Variants in CTNNA3 observed in about 807,000 individuals in gnomAD.
CTNNA3 encodes catenin alpha-3.
A neutral mutation model predicts 95.7 loss-of-function variants in CTNNA3; 76 were observed. That is an observed-to-expected ratio of 0.79 (90% CI 0.66 to 0.96). The LOEUF is 0.96. Among genes scored for constraint, CTNNA3 ranks in the 40% least tolerant of loss-of-function variants. The pLI, the probability that CTNNA3 is intolerant of heterozygous loss-of-function variation, is 0.00. For missense variants in CTNNA3, 1,191 were observed against 1,089.8 expected (o/e 1.09, Z -1.31); for synonymous variants, 431 against 374.4 (o/e 1.15, Z -1.74).
At chr10:66,615,488 A>G (rs1172849413) in intron 10 of CTNNA3, among the ~76,000 whole-genome samples, 1 of 152,002 alleles carries the variant, frequency 6.6e-6, no homozygotes, top group East Asian at 1.9e-4. Flanking sequence ...GAAGGAACTG[A>G]CATAGGGTGG....
chr10:67,139,876 C>T (rs1860472478), intron 7 of CTNNA3, among the ~76,000 whole-genome samples: 1 of 151,908 alleles, frequency 6.6e-6, no homozygotes, highest in Admixed American at 6.6e-5. Context: ...AACTTTTGTC[C>T]CAATAGAAAG....
intron 13 of CTNNA3, among the ~76,000 whole-genome samples, chr10:66,273,642 C>A (rs1178253847): frequency 2.6e-5 from 4 of 151,982 alleles, no homozygotes; most frequent in African/African-American, 9.7e-5. Flanking sequence ...ACGTGTTGAA[C>A]AAATAATGCA....
intron 7 of CTNNA3, among the ~76,000 whole-genome samples, chr10:66,975,534 A>G (rs1849979973): frequency 6.6e-6 from 1 of 152,210 alleles, no homozygotes; most frequent in African/African-American, 2.4e-5. Flanking sequence ...TGCAAATCAG[A>G]TCAAGAATTG....
At chr10:66,187,525 G>A (rs1244143495) in intron 13 of CTNNA3, among the ~76,000 whole-genome samples, 1 of 151,458 alleles carries the variant, frequency 6.6e-6, no homozygotes, top group Admixed American at 6.6e-5. Flanking sequence ...AGCAGGAAGT[G>A]AGGCCTAAAG....
chr10:67,357,721 A>C (rs79187665), intron 5 of CTNNA3, among the ~76,000 whole-genome samples: 2,578 of 152,204 alleles, frequency 0.017, 67 homozygotes, highest in African/African-American at 0.059. Context: ...AAGTTCTTAT[A>C]AATAGTAAGC....
At chr10:66,096,687 C>T (rs944088237) in intron 14 of CTNNA3, among the ~76,000 whole-genome samples, 1 of 151,974 alleles carries the variant, frequency 6.6e-6, no homozygotes, top group African/African-American at 2.4e-5. Context: ...CCATGCCCAG[C>T]TAATTTCTGT....
At chr10:66,663,977 T>C (rs985239184) in intron 9 of CTNNA3, among the ~76,000 whole-genome samples, 6 of 152,168 alleles carry the variant, frequency 3.9e-5, no homozygotes, top group Non-Finnish European at 7.4e-5. Context: ...AAGAGTAAAA[T>C]TTTTTGCCAG....
rs1864639439 is a variant in CTNNA3 at position 67,221,304 on chromosome 10, G to T, written c.580-1434C>A. ...AATCTAAAATTACTCCCAAATAAAA[G>T]CTTAAGTTAAAAAAAACTAATTCAA... On this transcript the variant is annotated intron_variant, in intron 5 of 17. Coordinates refer to ENST00000433211, the MANE Select transcript of CTNNA3 (RefSeq NM_013266.4). Among the ~76,000 whole-genome samples, 3 of 151,906 alleles carry T rather than the reference G, an allele frequency of 2.0e-5. No individual in the cohort carries two copies. The South Asian group carries it at 6.2e-4, about 31-fold the overall frequency.
intron 4 of CTNNA3, among the ~76,000 whole-genome samples, chr10:67,525,734 T>G (rs1840119943): frequency 1.3e-5 from 2 of 152,242 alleles, no homozygotes. Flanking sequence ...GGCTTCCTTT[T>G]GTAGTCAGAT....
At chr10:66,093,879 T>A (rs2081297574) in intron 14 of CTNNA3, among the ~76,000 whole-genome samples, 1 of 152,118 alleles carries the variant, frequency 6.6e-6, no homozygotes, top group African/African-American at 2.4e-5. Context: ...TGTTCTTTCC[T>A]ATATGACGTG....
intron 5 of CTNNA3, among the ~76,000 whole-genome samples, chr10:67,446,700 C>T (rs1185097183): frequency 2.0e-5 from 3 of 152,130 alleles, no homozygotes; most frequent in Non-Finnish European, 4.4e-5. Flanking sequence ...TCTCAAAAAC[C>T]TTGGAGCCAT....
chr10:66,214,082 A>G lies in CTNNA3; in HGVS notation c.1884+66388T>C, dbSNP rs555264854. On this transcript the variant is annotated intron_variant, in intron 13 of 17. Coordinates refer to ENST00000433211, the MANE Select transcript of CTNNA3 (RefSeq NM_013266.4). Reference sequence around the variant, plus strand: ...TCAGCAGTCAACATGAGCAAAAACGATAAGAAAAAAAGATTCAGCAGAGGC... The same window carrying G: ...TCAGCAGTCAACATGAGCAAAAACGGTAAGAAAAAAAGATTCAGCAGAGGC... 4.6e-5 allele frequency among the ~76,000 whole-genome samples: 7 copies of G among 152,320 alleles called. No individual in the cohort carries two copies. The South Asian group carries it at 1.2e-3, about 27-fold the overall frequency.
At position 66,047,786 on chromosome 10, in the gene CTNNA3, T is replaced by C. The variant is rs186758461; in HGVS notation, c.2159+21522A>G. The stretch of plus-strand genomic sequence containing the variant: ...TGATACCTTCGGCAAAGTTGCAGTA[T>C]ATAAAATCAATGTACAAAAATCGCT... On this transcript the variant is annotated intron_variant, in intron 15 of 17. Transcript: ENST00000433211. Among the ~76,000 whole-genome samples, 17 of 152,214 alleles carry C rather than the reference T, an allele frequency of 1.1e-4. No homozygotes were observed. The East Asian group carries it at 3.3e-3, about 29-fold the overall frequency.
chr10:66,276,998 T>A (rs1419541492), intron 13 of CTNNA3, among the ~76,000 whole-genome samples: 1 of 152,078 alleles, frequency 6.6e-6, no homozygotes, highest in Admixed American at 6.6e-5. Flanking sequence ...AATTTACACA[T>A]GTATATTAAA....
At chr10:67,071,647 G>A (rs971956614) in intron 7 of CTNNA3, among the ~76,000 whole-genome samples, 4 of 151,578 alleles carry the variant, frequency 2.6e-5, no homozygotes, top group Admixed American at 6.6e-5. Context: ...TGTGTGTGGC[G>A]GTCTTTCCAA....
At chr10:67,402,892 T>C (rs188668346) in intron 5 of CTNNA3, among the ~76,000 whole-genome samples, 1 of 152,260 alleles carries the variant, frequency 6.6e-6, no homozygotes, top group African/African-American at 2.4e-5. Flanking sequence ...GGGAGGTCCA[T>C]ACATACCCCT....
chr10:67,461,847 T>C (rs1441518012), intron 5 of CTNNA3, among the ~76,000 whole-genome samples: 4 of 152,294 alleles, frequency 2.6e-5, no homozygotes, highest in African/African-American at 7.2e-5. Flanking sequence ...CATTAGGAGA[T>C]GGCCAGTCCT....
chr10:67,455,974 A>C (rs983076364), intron 5 of CTNNA3, among the ~76,000 whole-genome samples: 1 of 152,214 alleles, frequency 6.6e-6, no homozygotes, highest in Non-Finnish European at 1.5e-5. Context: ...TAAGGTTACA[A>C]TAGAAGAAAC....
At chr10:66,335,012 T>C (rs2092378549) in intron 12 of CTNNA3, among the ~76,000 whole-genome samples, 1 of 152,138 alleles carries the variant, frequency 6.6e-6, no homozygotes. Context: ...TTTCTTCCAG[T>C]TGATCGAATC....
Sources: gnomAD v4.1 joint callset for allele counts (sites outside exome capture counted in the v4.1 genomes callset) on GRCh38, gnomAD v4.1.1 for gene constraint, MANE v1.5 for transcripts, NCBI Gene and HGNC (gene_info 2026-07-23, HGNC 2026-07-21) for gene names.